Variants in FAM135A observed in about 807,000 individuals in gnomAD.
The protein encoded by FAM135A is family with sequence similarity 135 member A, also known as protein FAM135A.
Under a neutral mutation model 146.8 loss-of-function variants are expected in FAM135A, and 79 were observed. The observed-to-expected ratio is 0.54, with a 90% CI of 0.45 to 0.65. The LOEUF (loss-of-function observed/expected upper bound fraction) is 0.65. FAM135A is among the 30% of genes least tolerant of loss of function. The pLI, the probability that FAM135A is intolerant of heterozygous loss-of-function variation, is 0.00. For missense variants in FAM135A, 1,623 were observed against 1,758.2 expected, an observed-to-expected ratio of 0.92 and a Z score of 1.38; for synonymous variants, 562 against 603.6, an observed-to-expected ratio of 0.93 and a Z score of 1.01.
intron 2 of FAM135A, among the ~76,000 whole-genome samples, chr6:70,423,280 T>G (rs1769272537): frequency 6.6e-6 from 1 of 152,208 alleles, no homozygotes; most frequent in African/African-American, 2.4e-5. Flanking sequence ...GCAGTAAGAT[T>G]GGAAGCCACA....
At chr6:70,415,806 A>G (rs9294868) in intron 2 of FAM135A, among the ~76,000 whole-genome samples, 30,611 of 151,896 alleles carry the variant, frequency 0.2, 3,376 homozygotes, top group African/African-American at 0.29. Context: ...GAATATATGA[A>G]CTCTTATGAT....
chr6:70,417,881 T>C (rs1767903864), intron 2 of FAM135A, among the ~76,000 whole-genome samples: 1 of 152,238 alleles, frequency 6.6e-6, no homozygotes, highest in Admixed American at 6.5e-5. Flanking sequence ...AGGTTTACTA[T>C]ATTTGGTATC....
Position 70,456,681 on chromosome 6 carries a change from A to T in FAM135A, c.157+4110A>T, listed in dbSNP as rs1778430142. 3.3e-5 allele frequency among the ~76,000 whole-genome samples: 5 copies of T among 152,216 alleles called. No individual in the cohort carries two copies. The South Asian group carries it at 1.0e-3, about 32-fold the overall frequency. ...TGTTTCATTAAAGACTATTTTCTTC[A>T]TAATGTTAACTTACTCCTCAAGTGA... On this transcript the variant is annotated intron_variant, in intron 5 of 21. Transcript: ENST00000418814.
intron 12 of FAM135A, among the ~76,000 whole-genome samples, chr6:70,513,991 T>G (rs905676881): frequency 4.4e-5 from 5 of 114,516 alleles, no homozygotes; most frequent in Non-Finnish European, 6.3e-5. Flanking sequence ...TTGTTGTTTG[T>G]TTTTTTTTGT....
rs778553685 is a variant in FAM135A, at chr6:70,502,669, A to G, written c.907A>G (p.Ile303Val). The change falls in exon 12 of 22, where the codon ATA (isoleucine) becomes GTA (valine). Residue 303 changes from isoleucine to valine, a missense_variant. Ile to Val is a conservative substitution (Grantham distance 29). Around this residue, in one of 7 missense-constraint regions of FAM135A, gnomAD observed 206 missense variants for 194.7 expected, o/e 1.06. Coordinates refer to ENST00000418814, the MANE Select transcript of FAM135A (RefSeq NM_001162529.3). ...GAATCCTGATGAACTGGCAGAACTT[A>G]TAAATATGAATCTTGCGCAACTTTG... Reference protein sequence around the residue: ...IENPDELAELINMNLAQLCSL... With the variant: ...IENPDELAELVNMNLAQLCSL... The G allele has an allele frequency of 1.2e-6, 2 of 1,612,646 alleles. No individual in the cohort carries two copies. The highest frequency in any genetic ancestry group is 1.1e-5 in the South Asian group (1 of 90,680).
At chr6:70,523,472 T>C (rs933083048) in intron 13 of FAM135A, among the ~76,000 whole-genome samples, 4 of 152,188 alleles carry the variant, frequency 2.6e-5, no homozygotes, top group African/African-American at 9.6e-5. Context: ...AGACAGGGTT[T>C]TCTGTTTTAA....
chr6:70,423,722 G>A (rs553364342), intron 2 of FAM135A, among the ~76,000 whole-genome samples: 53 of 152,326 alleles, frequency 3.5e-4, no homozygotes, highest in African/African-American at 1.3e-3. Flanking sequence ...AAAAGGAAGG[G>A]AAAACAGATG....
intron 21 of FAM135A, 166 bp downstream of exon 21, chr6:70,557,029 ACG>A: frequency 1.6e-6 from 1 of 617,328 alleles, no homozygotes; most frequent in East Asian, 2.7e-5. Flanking sequence ...CTCACCTGCC[ACG>A]TGAACTGCCT....
chr6:70,526,802 C>CATAT (rs70990314), intron 15 of FAM135A, 104 bp downstream of exon 15: 3 of 528,122 alleles, frequency 5.7e-6, no homozygotes, highest in African/African-American at 2.3e-5. Flanking sequence ...CACACACACA[C>CATAT]ATATATATAT....
intron 12 of FAM135A, among the ~76,000 whole-genome samples, chr6:70,520,476 A>G (rs1422868452): frequency 1.3e-5 from 2 of 152,202 alleles, no homozygotes; most frequent in Non-Finnish European, 2.9e-5. Context: ...TTTGAACAGC[A>G]TTATTAGAAT....
intron 11 of FAM135A, 150 bp downstream of exon 11, chr6:70,491,233 T>A (rs1349298213): frequency 1.7e-6 from 1 of 604,106 alleles, no homozygotes; most frequent in Non-Finnish European, 2.8e-6. Context: ...ACAACTTAGG[T>A]GGTCAAAATT....
At chr6:70,497,480 C>A (rs888239903) in intron 11 of FAM135A, among the ~76,000 whole-genome samples, 3 of 152,120 alleles carry the variant, frequency 2.0e-5, no homozygotes, top group Admixed American at 2.0e-4. Flanking sequence ...TATTTGAATA[C>A]GTTTTATTTC....
intron 11 of FAM135A, among the ~76,000 whole-genome samples, chr6:70,497,330 A>G (rs1483408403): frequency 6.6e-6 from 1 of 152,034 alleles, no homozygotes; most frequent in African/African-American, 2.4e-5. Flanking sequence ...TGCTTGTGAT[A>G]TTTCCACATT....
At chr6:70,453,240 T>C (rs1777531692) in intron 5 of FAM135A, among the ~76,000 whole-genome samples, 1 of 152,178 alleles carries the variant, frequency 6.6e-6, no homozygotes, top group Non-Finnish European at 1.5e-5. Context: ...TATGAATTAC[T>C]AGTTTTTAAA....
chr6:70,544,389 A>G (rs913358287), intron 20 of FAM135A, among the ~76,000 whole-genome samples: 5 of 152,004 alleles, frequency 3.3e-5, no homozygotes, highest in African/African-American at 1.2e-4. Context: ...TTAGCCAGGC[A>G]TGGTGGTGTA....
rs112732839 is a variant in FAM135A, at chr6:70,510,480, G to A, written c.1029+7689G>A. Among the ~76,000 whole-genome samples, 645 of 152,024 alleles carry A rather than the reference G, an allele frequency of 4.2e-3. 4 individuals carry two copies. The highest frequency in any genetic ancestry group is 0.015 in the African/African-American group (605 of 41,492). On this transcript the variant is annotated intron_variant, in intron 12 of 21. Transcript: ENST00000418814. ...CCCCTTTCCCCATTCCCTGGCAACC[G>A]CTAGTCTCATTTACTGATCTTGGAA...
rs746458381 is a variant in FAM135A at position 70,528,322 on chromosome 6, A to C, written c.3645A>C (p.Leu1215=). The C allele has an allele frequency of 2.5e-6, 4 of 1,611,670 alleles. No homozygotes were observed. The highest frequency in any genetic ancestry group is 3.4e-6 in the Non-Finnish European group (4 of 1,179,318). ...AFLQAKEELK[L]LKLPGFMYSE... ...TTCAGGCAAAAGAAGAACTGAAGCTACTAAAACTTCCTGGGTTCATGTACA... is the reference window on the plus strand; with the variant it reads ...TTCAGGCAAAAGAAGAACTGAAGCTCCTAAAACTTCCTGGGTTCATGTACA... The change falls in exon 16 of 22, where the codon CTA becomes CTC. Residue 1215 remains leucine, a synonymous_variant. Transcript: ENST00000418814.
chr6:70,438,600 G>A (rs1395705173), intron 4 of FAM135A, among the ~76,000 whole-genome samples: 1 of 152,156 alleles, frequency 6.6e-6, no homozygotes, highest in East Asian at 1.9e-4. Flanking sequence ...TAACCCTTAT[G>A]TTATTTAATA....
At chr6:70,512,675 CTTA>C (rs1273784960) in intron 12 of FAM135A, among the ~76,000 whole-genome samples, 2 of 151,622 alleles carry the variant, frequency 1.3e-5, no homozygotes, top group Non-Finnish European at 1.5e-5. Flanking sequence ...TTATTACTGA[CTTA>C]TTAAGATTAT....
Sources: allele counts gnomAD v4.1 joint callset (sites outside exome capture counted in the v4.1 genomes callset), GRCh38; gene constraint gnomAD v4.1.1; regional missense constraint gnomAD v4.1.1; transcripts MANE v1.5; gene names NCBI Gene and HGNC (gene_info 2026-07-23, HGNC 2026-07-21).